The following HOXA3 variants were observed in gnomAD, a reference collection of about 807,000 sequenced individuals.
The protein encoded by HOXA3 is homeobox A3, also known as homeobox protein Hox-A3.
HOXA3 carries 8 observed loss-of-function variants against 30.3 expected under a neutral mutation model. The ratio of observed to expected loss-of-function variants is 0.26; its 90% confidence interval spans 0.15 to 0.48. The LOEUF (loss-of-function observed/expected upper bound fraction) is 0.48, where lower values mean the gene tolerates loss of function less well. HOXA3 is among the 20% of genes least tolerant of loss of function. The pLI, the probability that HOXA3 is intolerant of heterozygous loss-of-function variation, is 0.99. For synonymous variants in HOXA3, 323 were observed against 273.1 expected (o/e 1.18, Z -1.80); for missense variants, 653 against 614.4 (o/e 1.06, Z -0.66).
In HOXA3 at chr7:27,107,884, ACTCT is replaced by A; in HGVS notation, c.*27_*30del. 1 of 1,336,842 alleles carries A rather than the reference ACTCT, an allele frequency of 7.5e-7. No homozygotes were observed. Among genetic ancestry groups the A allele is most frequent in the Non-Finnish European group, 9.9e-7 (1 of 1,014,302 alleles). The allele number at this position is 1,336,842 out of a possible 1,614,324, so 82.8% of individuals were successfully genotyped here. A position where few individuals can be genotyped will look rare whatever the true frequency, so the allele number is the denominator to read the frequency against. On this transcript the variant is annotated 3_prime_UTR_variant, in exon 6 of 6. Transcript: ENST00000612286. ...AAAGAAAAAAGGTGGGTGGGGGGAG[ACTCT>A]CCTGGCGCGTAGCCCCAAGCCCACT...
chr7:27,141,757 G>A, intron 1 of HOXA3: 1 of 1,527,966 alleles, frequency 6.5e-7, no homozygotes, highest in Non-Finnish European at 8.9e-7. Context: ...GAACACAAGG[G>A]AGTTTCAGAA....
intron 4 of HOXA3, among the ~76,000 whole-genome samples, chr7:27,114,859 A>AT (rs1784616278): frequency 8.9e-6 from 1 of 111,892 alleles, no homozygotes; most frequent in Non-Finnish European, 1.8e-5. Flanking sequence ...TATATTATAT[A>AT]TATAATATAT....
chr7:27,151,928 C>T (rs768631776), intron 1 of HOXA3, among the ~76,000 whole-genome samples: 34 of 152,308 alleles, frequency 2.2e-4, no homozygotes, highest in Admixed American at 1.4e-3. Flanking sequence ...TGCCGGGCCA[C>T]TTCCTTTTGG....
In HOXA3 at chr7:27,152,479, T is replaced by TGGCCG. The variant is rs2128065232; in HGVS notation, c.-690_-686dup. ...CCAGCGGGAGCCGCCAGGCCTGGCCTGGCCGGGGCTTCCCTTCGCTCGCCA... is the reference window on the plus strand; with the variant it reads ...CCAGCGGGAGCCGCCAGGCCTGGCCTGGCCGGGCCGGGGCTTCCCTTCGCTCGCCA... On this transcript the variant is annotated 5_prime_UTR_variant, in exon 1 of 6. The change abolishes the stop of an existing upstream ORF in the 5' untranslated region. Transcript: ENST00000612286. The TGGCCG allele has an allele frequency of 1.7e-6, 2 of 1,167,688 alleles. No individual in the cohort carries two copies. The highest frequency in any genetic ancestry group is 4.1e-5 in the Admixed American group (1 of 24,306). 72.3% of individuals were successfully genotyped at this position (1,167,688 alleles called of 1,614,324 possible).
At chr7:27,143,374 G>T in intron 1 of HOXA3, 2 of 1,591,264 alleles carry the variant, frequency 1.3e-6, no homozygotes, top group Non-Finnish European at 1.7e-6. Flanking sequence ...CGGGCGCCGC[G>T]CTGGCGCTGG....
intron 4 of HOXA3, among the ~76,000 whole-genome samples, chr7:27,112,912 CT>C (rs1486063148): frequency 6.6e-6 from 1 of 152,202 alleles, no homozygotes; most frequent in Non-Finnish European, 1.5e-5. Context: ...ACAAAAATAT[CT>C]TTGAAAATCA....
chr7:27,133,921 C>A (rs888121322), intron 2 of HOXA3, among the ~76,000 whole-genome samples: 1 of 152,186 alleles, frequency 6.6e-6, no homozygotes, highest in Non-Finnish European at 1.5e-5. Context: ...AAGTTCACCT[C>A]GGCCTTGGAC....
At chr7:27,145,827 CG>C (rs746325517) in intron 1 of HOXA3, 11 of 1,614,118 alleles carry the variant, frequency 6.8e-6, no homozygotes, top group African/African-American at 2.7e-5. Flanking sequence ...TGTCAGGTAG[CG>C]GTTGAAGTGG....
chr7:27,150,008 C>T (rs1782914711), intron 1 of HOXA3: 1 of 152,112 alleles, frequency 6.6e-6, no homozygotes, highest in Admixed American at 6.5e-5. Context: ...ATTATTGTTC[C>T]AGCTAACAAG....
Position 27,147,681 on chromosome 7 carries a change from G to C in HOXA3, c.-494+4607C>G, listed in dbSNP as rs149022222. ...AGCCAGCCTGGTAGAGGGGCAGCTGGCCCAAGAAGGAGTCCTGGCCGCTGG... is the reference window on the plus strand; with the variant it reads ...AGCCAGCCTGGTAGAGGGGCAGCTGCCCCAAGAAGGAGTCCTGGCCGCTGG... On this transcript the variant is annotated intron_variant, in intron 1 of 5. Coordinates refer to ENST00000612286, the MANE Select transcript of HOXA3 (RefSeq NM_153631.3). 6.8e-6 allele frequency: 11 copies of C among 1,613,812 alleles called. No individual in the cohort carries two copies. In the African/African-American group the frequency reaches 1.5e-4, roughly 22 times the overall value.
In HOXA3 at chr7:27,107,894, C is replaced by A. The variant is rs193202877; in HGVS notation, c.*21G>T. On this transcript the variant is annotated 3_prime_UTR_variant, in exon 6 of 6. Coordinates refer to ENST00000612286, the MANE Select transcript of HOXA3 (RefSeq NM_153631.3). ...GGTGGGTGGGGGGAGACTCTCCTGG[C>A]GCGTAGCCCCAAGCCCACTATCACA... The A allele has an allele frequency of 4.6e-5, 68 of 1,476,638 alleles. No individual in the cohort carries two copies. The East Asian group carries it at 1.5e-3, about 33-fold the overall frequency. 91.5% of individuals were successfully genotyped at this position (1,476,638 alleles called of 1,614,324 possible). A position where few individuals can be genotyped will look rare whatever the true frequency, so the allele number is the denominator to read the frequency against.
intron 2 of HOXA3, chr7:27,130,312 GGCA>G (rs1481753321): frequency 1.5e-5 from 16 of 1,081,574 alleles, no homozygotes; most frequent in East Asian, 5.7e-5. Flanking sequence ...CAGGGGCGGC[GGCA>G]GCTGGGGCTG....
chr7:27,110,782 C>T (rs1206502264), intron 4 of HOXA3, 22 bp from the exon 5 acceptor site: 1 of 1,289,940 alleles, frequency 7.8e-7, no homozygotes, highest in African/African-American at 1.5e-5. Flanking sequence ...AGAAGCGCAG[C>T]GCGGTGAGGG....
rs1784138722 is a variant in HOXA3, at chr7:27,108,242, G to A, written c.1005C>T (p.Gly335=). The A allele has an allele frequency of 6.6e-7, 1 of 1,516,682 alleles. No homozygotes were observed. The highest frequency in any genetic ancestry group is 1.3e-5 in the South Asian group (1 of 76,664). The allele number at this position is 1,516,682 out of a possible 1,614,324, so 94.0% of individuals were successfully genotyped here. ...GGTCATAGTCGGGGGTGCCCCCTGC[G>A]CCCGCCCCTGCCGCCGTGTAGCGCT... ...PQKRYTAAGA[G]AGGTPDYDPH... The change falls in exon 6 of 6, where the codon GGC becomes GGT. Residue 335 remains glycine, a synonymous_variant. Transcript: ENST00000612286. The surrounding 1 kb of genome is among the most constrained non-coding windows in gnomAD (Gnocchi z 5.0).
intron 4 of HOXA3, among the ~76,000 whole-genome samples, chr7:27,114,565 T>C (rs956341963): frequency 5.9e-5 from 9 of 151,448 alleles, no homozygotes; most frequent in Non-Finnish European, 7.4e-5. Flanking sequence ...GAGAAAAATG[T>C]CCTGGGAGAG....
chr7:27,111,077 A>C (rs765623748), intron 4 of HOXA3, among the ~76,000 whole-genome samples: 1 of 152,122 alleles, frequency 6.6e-6, no homozygotes, highest in African/African-American at 2.4e-5. Context: ...AAAGGCTGGG[A>C]TCTTTCTTTT....
intron 3 of HOXA3, among the ~76,000 whole-genome samples, chr7:27,126,309 T>C (rs1476559983): frequency 6.6e-6 from 1 of 152,062 alleles, no homozygotes; most frequent in African/African-American, 2.4e-5. Context: ...CTAAAGCAGA[T>C]GAGTGTGTAT....
chr7:27,114,832 AT>A (rs1784598799), intron 4 of HOXA3, among the ~76,000 whole-genome samples: 1 of 91,938 alleles, frequency 1.1e-5, no homozygotes, highest in African/African-American at 3.9e-5. Flanking sequence ...TATATAATAT[AT>A]ATTATATATA....
intron 5 of HOXA3, among the ~76,000 whole-genome samples, chr7:27,109,298 T>C (rs770878567): frequency 3.9e-5 from 6 of 152,220 alleles, no homozygotes; most frequent in Non-Finnish European, 5.9e-5. Flanking sequence ...CCCTTCATGC[T>C]AGGTCCTATT....
Sources: gnomAD v4.1 joint callset for allele counts (sites outside exome capture counted in the v4.1 genomes callset) on GRCh38, gnomAD v4.1.1 for gene constraint, Gnocchi (gnomAD v3.1) non-coding constraint, MANE v1.5 for transcripts, NCBI Gene and HGNC (gene_info 2026-07-23, HGNC 2026-07-21) for gene names.